Variants in LRCH1 observed in about 807,000 individuals in gnomAD.
The protein encoded by LRCH1 is leucine rich repeats and calponin homology domain containing 1, also known as leucine-rich repeat and calponin homology domain-containing protein 1.
Under a neutral mutation model 94.9 loss-of-function variants are expected in LRCH1, and 23 were observed. The ratio of observed to expected loss-of-function variants is 0.24; its 90% CI spans 0.17 to 0.34. LRCH1 has a LOEUF of 0.34. LRCH1 is among the 10% of genes least tolerant of loss of function. The probability of loss-of-function intolerance (pLI) is 1.00; values close to 1 mark genes in which losing one functional copy is unlikely to be tolerated. For synonymous variants in LRCH1, 364 were observed against 354.9 expected (o/e 1.03, Z -0.29); for missense variants, 790 against 945.9 (o/e 0.84, Z 2.16).
chr13:46,717,336 A>ATT (rs946094973), intron 16 of LRCH1: 1 of 152,184 alleles, frequency 6.6e-6, no homozygotes, highest in African/African-American at 2.4e-5. Flanking sequence ...TGCAATAGTT[A>ATT]TTTTTTCTAT....
intron 1 of LRCH1, among the ~76,000 whole-genome samples, chr13:46,649,897 G>A (rs1259241122): frequency 6.6e-6 from 1 of 151,962 alleles, no homozygotes; most frequent in Non-Finnish European, 1.5e-5. Context: ...TTAAAGGATA[G>A]CATTTTGCAT....
chr13:46,739,108 T>A (rs1421374864), intron 19 of LRCH1, among the ~76,000 whole-genome samples: 1 of 152,202 alleles, frequency 6.6e-6, no homozygotes, highest in Non-Finnish European at 1.5e-5. Flanking sequence ...AAGTTTTAAA[T>A]AAAACTTCTG....
chr13:46,699,341 G>C lies in LRCH1; in HGVS notation c.1251G>C (p.Arg417Ser). 2.5e-6 allele frequency: 4 copies of C among 1,613,990 alleles called. No individual in the cohort carries two copies. In the South Asian group the frequency reaches 4.4e-5, roughly 18 times the overall value. The change falls in exon 10 of 20, where the codon AGG becomes AGC. Residue 417 changes from arginine to serine, a missense_variant. Physicochemically the swap from Arg to Ser is moderately radical, Grantham distance 110. Transcript: ENST00000389797. ...CCTGTGTGTTTTGTCCACAGGCAAGGGCAGAAGACTGTGAAGAGCTGTTAC... is the reference window on the plus strand; with the variant it reads ...CCTGTGTGTTTTGTCCACAGGCAAGCGCAGAAGACTGTGAAGAGCTGTTAC... ...LHSEFMNYKA[R>S]AEDCEELLRI...
chr13:46,749,221 T>C (rs1395148830), downstream of LRCH1, among the ~76,000 whole-genome samples: 1 of 152,170 alleles, frequency 6.6e-6, no homozygotes, highest in Non-Finnish European at 1.5e-5. Flanking sequence ...AAGAAGGAAA[T>C]CCTGTCATTT....
rs1475094989 is a variant in LRCH1 at position 46,686,165 on chromosome 13, T to A, written c.822+124T>A. 5.9e-6 allele frequency: 6 copies of A among 1,012,954 alleles called. No homozygotes were observed. The African/African-American group carries it at 6.7e-5, about 11-fold the overall frequency. 62.7% of individuals were successfully genotyped at this position (1,012,954 alleles called of 1,614,324 possible). On this transcript the variant is annotated intron_variant, in intron 5 of 19. Coordinates refer to ENST00000389797, the MANE Select transcript of LRCH1 (RefSeq NM_001164211.2). ...CACTAATCACTGGCAAGCGGCAGATTAATTGGAGAAAAGGCATCAAAATTT... is the reference window on the plus strand; with the variant it reads ...CACTAATCACTGGCAAGCGGCAGATAAATTGGAGAAAAGGCATCAAAATTT...
At chr13:46,720,330 C>T (rs971533363) in intron 16 of LRCH1, among the ~76,000 whole-genome samples, 3 of 151,038 alleles carry the variant, frequency 2.0e-5, no homozygotes, top group African/African-American at 7.3e-5. Context: ...GAGGTTGCAG[C>T]GAGCCGAGAT....
At chr13:46,675,654 G>A (rs912100335) in intron 3 of LRCH1, among the ~76,000 whole-genome samples, 9 of 152,172 alleles carry the variant, frequency 5.9e-5, no homozygotes, top group African/African-American at 1.9e-4. Flanking sequence ...TGCTTGGGTA[G>A]CGTTCCAATC....
chr13:46,695,821 A>T (rs1234965793), intron 9 of LRCH1, among the ~76,000 whole-genome samples: 2 of 152,132 alleles, frequency 1.3e-5, no homozygotes, highest in African/African-American at 2.4e-5. Flanking sequence ...CTAAATTAAC[A>T]TCTCTGGGCA....
chr13:46,573,786 TAGAA>T (rs1404228657), intron 1 of LRCH1, among the ~76,000 whole-genome samples: 1 of 142,000 alleles, frequency 7.0e-6, no homozygotes, highest in Non-Finnish European at 1.5e-5. Context: ...GTATGAAAAA[TAGAA>T]TGAATGAAGG....
At chr13:46,589,278 C>A (rs2050471723) in intron 1 of LRCH1, among the ~76,000 whole-genome samples, 1 of 152,136 alleles carries the variant, frequency 6.6e-6, no homozygotes, top group African/African-American at 2.4e-5. Flanking sequence ...GATCCTCCTG[C>A]CTCAGCCTCC....
At chr13:46,653,248 A>G (rs1421345179) in intron 2 of LRCH1, among the ~76,000 whole-genome samples, 1 of 152,166 alleles carries the variant, frequency 6.6e-6, no homozygotes, top group African/African-American at 2.4e-5. Context: ...TCCCACTTAC[A>G]TGGGTCATTC....
chr13:46,570,983 C>A lies in LRCH1; in HGVS notation c.307+17280C>A, dbSNP rs1469198349. On this transcript the variant is annotated intron_variant, in intron 1 of 19. Transcript: ENST00000389797. ...CCTTTCTTTAACTGCCTTTCTCAGG[C>A]ATAGAAGTAAAAAGAAGTAAAAGGT... Among the ~76,000 whole-genome samples, 4 of 152,190 alleles carry A rather than the reference C, an allele frequency of 2.6e-5. No homozygotes were observed. The East Asian group carries it at 7.7e-4, about 29-fold the overall frequency.
Position 46,741,920 on chromosome 13 carries a change from CT to C in LRCH1, c.*75del. Reference sequence around the variant, plus strand: ...TGCAGGGTCCTTCCTACCTTTGAGCCTTTGCCTTGCAAACTTCCATCCCTGT... The same window carrying C: ...TGCAGGGTCCTTCCTACCTTTGAGCCTTGCCTTGCAAACTTCCATCCCTGT... On this transcript the variant is annotated 3_prime_UTR_variant, in exon 20 of 20. Transcript: ENST00000389797. 1.3e-6 allele frequency: 2 copies of C among 1,596,512 alleles called. No homozygotes were observed. Among genetic ancestry groups the C allele is most frequent in the Non-Finnish European group, 1.7e-6 (2 of 1,169,770 alleles).
At chr13:46,752,295 G>A (rs953065013) in exon 19 of LRCH1, 1 of 152,284 alleles carries the variant, frequency 6.6e-6, no homozygotes, top group African/African-American at 2.4e-5. Flanking sequence ...AGTTTTTAGA[G>A]CAGCAGCAGC....
At chr13:46,612,934 G>A (rs537476690) in intron 1 of LRCH1, among the ~76,000 whole-genome samples, 1 of 152,288 alleles carries the variant, frequency 6.6e-6, no homozygotes, top group Non-Finnish European at 1.5e-5. Flanking sequence ...AAATGATGAA[G>A]TAATCGTATG....
chr13:46,614,766 C>T (rs932211321), intron 1 of LRCH1, among the ~76,000 whole-genome samples: 3 of 152,182 alleles, frequency 2.0e-5, no homozygotes, highest in African/African-American at 4.8e-5. Flanking sequence ...TTATGACATT[C>T]GAGATGAATA....
intron 2 of LRCH1, among the ~76,000 whole-genome samples, chr13:46,661,803 A>AT (rs1482034267): frequency 6.6e-6 from 1 of 152,236 alleles, no homozygotes; most frequent in Non-Finnish European, 1.5e-5. Context: ...TTTTATTATG[A>AT]ATATTTTTAT....
chr13:46,616,215 C>T (rs2050806407), intron 1 of LRCH1, among the ~76,000 whole-genome samples: 4 of 152,176 alleles, frequency 2.6e-5, no homozygotes, highest in Non-Finnish European at 1.5e-5. Flanking sequence ...AGTACTTTCT[C>T]TTCCCAGATG....
chr13:46,668,968 T>A, intron 2 of LRCH1, 62 bp from the exon 3 acceptor site: 1 of 1,586,624 alleles, frequency 6.3e-7, no homozygotes, highest in South Asian at 1.1e-5. Context: ...TAAAAACAGG[T>A]TCACAGACAG....
Sources: allele counts gnomAD v4.1 joint callset (sites outside exome capture counted in the v4.1 genomes callset), GRCh38; gene constraint gnomAD v4.1.1; transcripts MANE v1.5; gene names NCBI Gene and HGNC (gene_info 2026-07-23, HGNC 2026-07-21).